CACNA1F: variants seen among roughly 807,000 people sequenced by gnomAD.
CACNA1F encodes voltage-dependent L-type calcium channel subunit alpha-1F.
CACNA1F carries 59 observed loss-of-function variants against 143.8 expected under a neutral mutation model. The ratio of observed to expected loss-of-function variants is 0.41; its 90% CI spans 0.33 to 0.51. The LOEUF (loss-of-function observed/expected upper bound fraction) is 0.51. Among genes scored for constraint, CACNA1F ranks in the 20% least tolerant of loss-of-function variants. CACNA1F has a pLI of 0.22. For synonymous variants in CACNA1F, 643 were observed against 649.1 expected, an observed-to-expected ratio of 0.99 and a Z score of 0.14; for missense variants, 1,411 against 1,647.5, an observed-to-expected ratio of 0.86 and a Z score of 2.48.
At chrX:49,206,392 CAAAAAA>C (rs1168190548) in intron 46 of CACNA1F, 113 bp downstream of exon 46, 97 of 166,145 alleles carry the variant, frequency 5.8e-4, no homozygotes, top group Admixed American at 1.2e-3. Flanking sequence ...AACTCTGTCT[CAAAAAA>C]AAAAAAAAAA....
At chrX:49,212,048 C>A in intron 34 of CACNA1F, 59 bp from the exon 35 acceptor site, 1 of 936,812 alleles carries the variant, frequency 1.1e-6, no homozygotes, top group African/African-American at 1.9e-5. Context: ...CATTTCACAC[C>A]TCCTAATACC....
rs2065718247 is a variant in CACNA1F at position 49,216,497 on chromosome X, C to T, written c.3121G>A (p.Val1041Met). 5 of 1,204,870 alleles carry T rather than the reference C, an allele frequency of 4.1e-6. No homozygotes were observed. Among genetic ancestry groups the T allele is most frequent in the Non-Finnish European group, 5.6e-6 (5 of 891,635 alleles). ...GSFLVYPDGD[V>M]SRPLVRERLW... ...CGCTCCCGGACCAGGGGCCGTGACACGTCTCCATCTGGGTATACCAGGAAG... is the reference window on the plus strand; with the variant it reads ...CGCTCCCGGACCAGGGGCCGTGACATGTCTCCATCTGGGTATACCAGGAAG... Residue 1041 changes from valine (V) to methionine (M), a missense_variant, in exon 27 of 48, where the codon GTG becomes ATG. Physicochemically the swap from Val to Met is conservative, Grantham distance 21. Around this residue, in one of 3 missense-constraint regions of CACNA1F, gnomAD observed 950 missense variants for 1,128.1 expected, o/e 0.84. Transcript: ENST00000323022.
chrX:49,225,764 G>C, intron 13 of CACNA1F, 145 bp downstream of exon 13: 1 of 467,058 alleles, frequency 2.1e-6, no homozygotes, highest in Non-Finnish European at 3.8e-6. Context: ...AGGTGGGATG[G>C]GACAGGCTAA....
At chrX:49,230,154 T>G (rs1299804945) in intron 6 of CACNA1F, 66 bp downstream of exon 6, 2 of 1,009,841 alleles carry the variant, frequency 2.0e-6, no homozygotes, top group African/African-American at 3.8e-5. Context: ...TTTCCCTGAG[T>G]GCAGCATTGG....
chrX:49,213,964 CAGT>C, intron 30 of CACNA1F, 62 bp from the exon 31 acceptor site: 3 of 874,972 alleles, frequency 3.4e-6, no homozygotes, highest in South Asian at 2.1e-5. Context: ...GGTAGGGGGC[CAGT>C]AGTAGTAGGG....
chrX:49,210,116 G>A, intron 39 of CACNA1F, 74 bp from the exon 40 acceptor site: 1 of 802,453 alleles, frequency 1.2e-6, no homozygotes, highest in East Asian at 3.1e-5. Context: ...TGTTGGGTGG[G>A]GGGAACTTCA....
Position 49,205,734 on chromosome X carries a change from T to G in CACNA1F, c.5552A>C (p.Glu1851Ala). The G allele has an allele frequency of 8.3e-7, 1 of 1,202,990 alleles. No homozygotes were observed. The highest frequency in any genetic ancestry group is 1.1e-6 in the Non-Finnish European group (1 of 891,285). Residue 1851 changes from glutamate (E) to alanine (A), a missense_variant, in exon 47 of 48, where the codon GAG becomes GCG. Coordinates refer to ENST00000323022, the MANE Select transcript of CACNA1F (RefSeq NM_001256789.3). ...GCCACTGGATCTGCCGAGGTACCCC[T>G]CCCCCGCTGCGCCCTCTTCCACCAA... ...LLLVEEGAAG[E>A]GYLGRSSGPL...
rs1461036553 is a variant in CACNA1F, at chrX:49,233,334, T to A, written c.-25A>T. 1 of 1,160,347 alleles carries A rather than the reference T, an allele frequency of 8.6e-7. No individual in the cohort carries two copies. The highest frequency in any genetic ancestry group is 1.8e-5 in the African/African-American group (1 of 56,042). On this transcript the variant is annotated 5_prime_UTR_variant, in exon 1 of 48. It removes an upstream start codon present in the reference 5' UTR. Coordinates refer to ENST00000323022, the MANE Select transcript of CACNA1F (RefSeq NM_001256789.3). ...TCTTTCTTTCGAGATTGAAGGGCCA[T>A]CTGCACACAACCCCCCTCTCTTCCC... is the stretch of plus-strand genomic sequence containing the variant.
Position 49,206,772 on chromosome X carries a change from C to T in CACNA1F, c.5315G>A (p.Gly1772Glu). The T allele has an allele frequency of 8.3e-7, 1 of 1,208,357 alleles. No homozygotes were observed. Among genetic ancestry groups the T allele is most frequent in the South Asian group, 1.8e-5 (1 of 56,457 alleles). ...PPHRAQRYMDGHLVPRRRLLP... is the reference protein window; with the variant it reads ...PPHRAQRYMDEHLVPRRRLLP... ...CAGACGGCGGCGTGGTACCAGGTGCCCATCCATGTATCTCTGAGCTCTGTG... is the reference window on the plus strand; with the variant it reads ...CAGACGGCGGCGTGGTACCAGGTGCTCATCCATGTATCTCTGAGCTCTGTG... The change falls in exon 45 of 48, where the codon GGG (glycine) becomes GAG (glutamate). Residue 1772 changes from glycine (G) to glutamate (E), a missense_variant. By Grantham distance (98) the Gly-to-Glu change is moderately conservative. This residue lies in a region of CACNA1F where 349 missense variants were observed against 350.2 expected (regional missense o/e 1.00). Transcript: ENST00000323022.
chrX:49,221,810 T>A (rs1163057495), intron 17 of CACNA1F, among the ~76,000 whole-genome samples: 1 of 107,486 alleles, frequency 9.3e-6, no homozygotes, highest in Non-Finnish European at 1.9e-5. Flanking sequence ...TGAAACCCCA[T>A]CTCTACTAAA....
intron 41 of CACNA1F, 112 bp downstream of exon 41, chrX:49,209,517 G>A: frequency 5.4e-6 from 6 of 1,119,410 alleles, no homozygotes; most frequent in Non-Finnish European, 7.3e-6. Flanking sequence ...GTGAGGCCTG[G>A]GGCCTCAGTT....
rs372399760 is a variant in CACNA1F, at chrX:49,219,639, G to T, written c.2538C>A (p.Thr846=). Residue 846 remains threonine (T), a synonymous_variant, in exon 20 of 48, where the codon ACC becomes ACA. Coordinates refer to ENST00000323022, the MANE Select transcript of CACNA1F (RefSeq NM_001256789.3). The part of the protein sequence containing the change: ...EGSAFFCLSQ[T]NPLRKGCHTL... ...CTGCCACTTCCGGCACTCACGGGTT[G>T]GTTTGGCTGAGGCAGAAGAAGGCGC... 23 of 1,203,186 alleles carry T rather than the reference G, an allele frequency of 1.9e-5. No individual in the cohort carries two copies. Among genetic ancestry groups the T allele is most frequent in the Non-Finnish European group, 2.6e-5 (23 of 891,150 alleles).
At chrX:49,209,446 T>A (rs782605310) in intron 41 of CACNA1F, 53 bp from the exon 42 acceptor site, 2 of 1,180,514 alleles carry the variant, frequency 1.7e-6, no homozygotes, top group Admixed American at 4.4e-5. Flanking sequence ...GAACTTTCCC[T>A]CTGTTTCCCC....
chrX:49,214,251 G>C lies in CACNA1F; in HGVS notation c.3616C>G (p.Pro1206Ala). ...AGGATGTCCATGGCATAGTTGAAGG[G>C]AGCAGTCTGCTCATAGTGCTGCAGG... is the stretch of plus-strand genomic sequence containing the variant. ...LAMQHYEQTA[P>A]FNYAMDILNM... Residue 1206 changes from proline to alanine, a missense_variant, in exon 30 of 48, where the codon CCC becomes GCC. Physicochemically the swap from Pro to Ala is conservative, Grantham distance 27. Coordinates refer to ENST00000323022, the MANE Select transcript of CACNA1F (RefSeq NM_001256789.3). 1 of 1,178,637 alleles carries C rather than the reference G, an allele frequency of 8.5e-7. No individual in the cohort carries two copies.
At position 49,215,191 on chromosome X, in the gene CACNA1F, G is replaced by C; in HGVS notation, c.3492C>G (p.Pro1164=). ...ACACACGATACTGATGCGGGTTCTT[G>C]GGGATGTAACGGCGGAGTGGCTGGG... The part of the protein sequence containing the change: ...LKAQPLRRYI[P]KNPHQYRVWA... Residue 1164 remains proline (P), a synonymous_variant, in exon 29 of 48, where the codon CCC becomes CCG. Coordinates refer to ENST00000323022, the MANE Select transcript of CACNA1F (RefSeq NM_001256789.3). 1 of 1,210,997 alleles carries C rather than the reference G, an allele frequency of 8.3e-7. No individual in the cohort carries two copies. Among genetic ancestry groups the C allele is most frequent in the Non-Finnish European group, 1.1e-6 (1 of 894,940 alleles).
chrX:49,225,347 G>C (rs1413714977), intron 13 of CACNA1F, among the ~76,000 whole-genome samples: 1 of 111,367 alleles, frequency 9.0e-6, no homozygotes, highest in Non-Finnish European at 1.9e-5. Flanking sequence ...AGATTATAAT[G>C]AATAATAGTA....
At chrX:49,222,500 TA>T (rs2065782935) in intron 17 of CACNA1F, 21 bp downstream of exon 17, 2 of 1,180,144 alleles carry the variant, frequency 1.7e-6, no homozygotes, top group South Asian at 1.8e-5. Flanking sequence ...GAGACTGTGT[TA>T]GGGGTGGAGC....
intron 25 of CACNA1F, 24 bp from the exon 26 acceptor site, chrX:49,217,831 T>C: frequency 8.3e-7 from 1 of 1,201,018 alleles, no homozygotes; most frequent in Non-Finnish European, 1.1e-6. Flanking sequence ...GTCTGTCAAG[T>C]AGGTTCACCC....
At chrX:49,208,763 G>A (rs2065625323) in intron 42 of CACNA1F, 79 bp from the exon 43 acceptor site, 2 of 892,863 alleles carry the variant, frequency 2.2e-6, no homozygotes, top group Non-Finnish European at 3.3e-6. Context: ...CTCCCCCACA[G>A]GTCCATGAAT....
Sources: allele counts gnomAD v4.1 joint callset (sites outside exome capture counted in the v4.1 genomes callset), GRCh38; gene constraint gnomAD v4.1.1; regional missense constraint gnomAD v4.1.1; transcripts MANE v1.5; gene names NCBI Gene and HGNC (gene_info 2026-07-23, HGNC 2026-07-21).